Variants in DGKH observed in about 807,000 individuals in gnomAD.
DGKH encodes DAG kinase eta.
DGKH carries 90 observed loss-of-function variants against 159.3 expected under a neutral mutation model. The ratio of observed to expected loss-of-function variants is 0.57; its 90% CI spans 0.48 to 0.67. The LOEUF (loss-of-function observed/expected upper bound fraction) is 0.67. Among genes scored for constraint, DGKH ranks in the 30% least tolerant of loss-of-function variants. The pLI, the probability that DGKH is intolerant of heterozygous loss-of-function variation, is 0.00. For synonymous variants in DGKH, 536 were observed against 553.8 expected (o/e 0.97, Z 0.45); for missense variants, 1,181 against 1,506.1 (o/e 0.78, Z 3.57).
At position 42,215,622 on chromosome 13, in the gene DGKH, G is replaced by T. The variant is rs781121134; in HGVS notation, c.3168G>T (p.Ala1056=). The T allele has an allele frequency of 2.9e-5, 47 of 1,611,368 alleles. No homozygotes were observed. In the Admixed American group the frequency reaches 7.4e-4, roughly 25 times the overall value. Residue 1056 remains alanine, a synonymous_variant, in exon 26 of 30, where the codon GCG becomes GCT. Coordinates refer to ENST00000337343, the MANE Select transcript of DGKH (RefSeq NM_178009.5). ...TATEIAINVK[A]LYNETESLLV... is the part of the protein sequence containing the mutation. ...CTGAAATAGCCATCAATGTGAAGGC[G>T]CTGTATAATGAAACAGAATCTTTGC...
At chr13:42,179,399 A>ATT (rs1409279557) in intron 13 of DGKH, among the ~76,000 whole-genome samples, 2 of 152,232 alleles carry the variant, frequency 1.3e-5, no homozygotes, top group African/African-American at 4.8e-5. Context: ...TTTTCTTGTA[A>ATT]AGGAGAAAAT....
chr13:42,171,823 A>C (rs1956462116), intron 11 of DGKH, among the ~76,000 whole-genome samples: 1 of 132,050 alleles, frequency 7.6e-6, no homozygotes, highest in Admixed American at 9.6e-5. Context: ...TTCAAATATA[A>C]ATTTCTTTTT....
At position 42,086,744 on chromosome 13, in the gene DGKH, G is replaced by C. The variant is rs139826084; in HGVS notation, c.192+37779G>C. ...TGATCACTTAGAGAAAGAGGGAAAAGCAATGTAAGAAACAAACCTGGGTGT... is the reference window on the plus strand; with the variant it reads ...TGATCACTTAGAGAAAGAGGGAAAACCAATGTAAGAAACAAACCTGGGTGT... On this transcript the variant is annotated intron_variant, in intron 1 of 29. Coordinates refer to ENST00000337343, the MANE Select transcript of DGKH (RefSeq NM_178009.5). Among the ~76,000 whole-genome samples, 3 of 152,270 alleles carry C rather than the reference G, an allele frequency of 2.0e-5. No individual in the cohort carries two copies. The East Asian group carries it at 5.8e-4, about 29-fold the overall frequency.
rs1958467239 is a variant in DGKH, at chr13:42,238,863, A to C, written c.*9675A>C. 1 of 152,142 alleles carries C rather than the reference A, an allele frequency of 6.6e-6. No homozygotes were observed. Among genetic ancestry groups the C allele is most frequent in the African/African-American group, 2.4e-5 (1 of 41,456 alleles). 9.4% of individuals were successfully genotyped at this position (152,142 alleles called of 1,614,324 possible). On this transcript the variant is annotated 3_prime_UTR_variant, in exon 30 of 30. Coordinates refer to ENST00000337343, the MANE Select transcript of DGKH (RefSeq NM_178009.5). ...TACATGACATTTGAATTCTGTCACT[A>C]TCTGATTCTTGACCTAAAGGTTTCT... is the stretch of plus-strand genomic sequence containing the variant.
At chr13:42,096,406 C>T (rs1354303574) in intron 1 of DGKH, among the ~76,000 whole-genome samples, 1 of 152,172 alleles carries the variant, frequency 6.6e-6, no homozygotes, top group Non-Finnish European at 1.5e-5. Context: ...CATGTTGCTG[C>T]AAAGGACATG....
intron 1 of DGKH, among the ~76,000 whole-genome samples, chr13:42,086,350 T>G (rs1202267722): frequency 3.3e-5 from 5 of 152,204 alleles, no homozygotes; most frequent in African/African-American, 4.8e-5. Flanking sequence ...GTGAGCAAAT[T>G]TCCTTGCCAT....
rs1555275942 is a variant in DGKH, at chr13:42,206,975, T to TTTTCTTTCTCTCTTTC, written c.2601+838_2601+839insCTCTTTCTTTCTTTCT. Among the ~76,000 whole-genome samples the TTTTCTTTCTCTCTTTC allele has an allele frequency of 3.6e-5, 3 of 82,310 alleles. No homozygotes were observed. The East Asian group carries it at 1.2e-3, about 34-fold the overall frequency. 54.0% of individuals were successfully genotyped at this position (82,310 alleles called of 152,430 possible). ...CACAATACCTTTTGGTACTTTTACT[T>TTTTCTTTCTCTCTTTC]TTTCTTTCTTTCTTTCTTTCTTTCT... is the stretch of plus-strand genomic sequence containing the variant. On this transcript the variant is annotated intron_variant, in intron 21 of 29. Coordinates refer to ENST00000337343, the MANE Select transcript of DGKH (RefSeq NM_178009.5).
intron 5 of DGKH, among the ~76,000 whole-genome samples, chr13:42,158,972 G>C (rs983762938): frequency 3.3e-5 from 5 of 152,000 alleles, no homozygotes; most frequent in African/African-American, 1.2e-4. Context: ...TCTCTCCTAT[G>C]TGTGTGTTGT....
intron 1 of DGKH, among the ~76,000 whole-genome samples, chr13:42,090,597 T>C (rs978713907): frequency 6.6e-6 from 1 of 152,164 alleles, no homozygotes; most frequent in African/African-American, 2.4e-5. Context: ...CCCATACACA[T>C]ATGGTCTAAT....
intron 7 of DGKH, among the ~76,000 whole-genome samples, chr13:42,164,000 A>G (rs1158340669): frequency 2.0e-5 from 3 of 152,188 alleles, no homozygotes; most frequent in Non-Finnish European, 2.9e-5. Flanking sequence ...TTTTAGGTCT[A>G]AAGTTTAAGT....
intron 14 of DGKH, among the ~76,000 whole-genome samples, chr13:42,188,020 C>G (rs79916317): frequency 1.3e-5 from 2 of 151,930 alleles, no homozygotes; most frequent in East Asian, 3.9e-4. Flanking sequence ...GAATTAACTT[C>G]CCCAAATCCA....
chr13:42,214,830 T>C (rs138800731), intron 25 of DGKH, among the ~76,000 whole-genome samples: 6 of 152,344 alleles, frequency 3.9e-5, no homozygotes, highest in Admixed American at 3.9e-4. Flanking sequence ...ATGTTTCACT[T>C]TCAATCACTT....
At chr13:42,246,581 G>A (rs776915186), downstream of DGKH, among the ~76,000 whole-genome samples, 1 of 152,198 alleles carries the variant, frequency 6.6e-6, no homozygotes. Context: ...TTGGAGTTGG[G>A]TCTACTTCTG....
chr13:42,151,578 TACACACACACAC>T (rs60281789), intron 3 of DGKH, among the ~76,000 whole-genome samples: 19 of 93,850 alleles, frequency 2.0e-4, no homozygotes, highest in Non-Finnish European at 2.9e-4. Flanking sequence ...CTTATATGTA[TACACACACACAC>T]ACACACACAC....
chr13:42,132,894 C>T (rs1281380617), intron 3 of DGKH, among the ~76,000 whole-genome samples: 2 of 151,830 alleles, frequency 1.3e-5, no homozygotes, highest in African/African-American at 2.4e-5. Flanking sequence ...TTTGGCCGGG[C>T]GTGATGGCTC....
Position 42,237,015 on chromosome 13 carries a change from G to A in DGKH, c.*7827G>A, listed in dbSNP as rs987930941. 3 of 152,170 alleles carry A rather than the reference G, an allele frequency of 2.0e-5. No individual in the cohort carries two copies. Among genetic ancestry groups the A allele is most frequent in the East Asian group, 1.9e-4 (1 of 5,196 alleles). The allele number at this position is 152,170 out of a possible 1,614,324, so 9.4% of individuals were successfully genotyped here. The stretch of plus-strand genomic sequence containing the variant: ...TGCATTTGGTTCTGGGATAGTAACC[G>A]TTATGGATAATTGTTTGTTTCTGTC... On this transcript the variant is annotated 3_prime_UTR_variant, in exon 30 of 30. Transcript: ENST00000337343.
chr13:42,161,347 A>G (rs1956174483), intron 7 of DGKH, among the ~76,000 whole-genome samples: 1 of 152,168 alleles, frequency 6.6e-6, no homozygotes, highest in African/African-American at 2.4e-5. Context: ...TTCACTTCCA[A>G]TGTATTAGAA....
chr13:42,179,157 GC>G (rs1314668853), intron 13 of DGKH, among the ~76,000 whole-genome samples: 2 of 152,214 alleles, frequency 1.3e-5, no homozygotes, highest in African/African-American at 4.8e-5. Flanking sequence ...ATGGCTTACA[GC>G]AAGGGAAGCA....
At chr13:42,130,315 G>A (rs1750017) in intron 3 of DGKH, among the ~76,000 whole-genome samples, 131,402 of 152,160 alleles carry the variant, frequency 0.86, 57,114 homozygotes, top group Middle Eastern at 0.9. Flanking sequence ...TCCCCCATCT[G>A]TCACGGTGGG....
Sources: allele counts gnomAD v4.1 joint callset (sites outside exome capture counted in the v4.1 genomes callset), GRCh38; gene constraint gnomAD v4.1.1; transcripts MANE v1.5; gene names NCBI Gene and HGNC (gene_info 2026-07-23, HGNC 2026-07-21).